The following CNTNAP5 variants were observed in gnomAD, a reference collection of about 807,000 sequenced individuals.
CNTNAP5 encodes the protein contactin-associated protein-like 5.
In CNTNAP5, 72 loss-of-function variants were observed where a neutral mutation model predicts 150.2. The observed-to-expected ratio is 0.48, with a 90% CI of 0.40 to 0.58. The LOEUF is 0.58. Ranked by LOEUF, CNTNAP5 falls within the 20% of genes least tolerant of loss-of-function variation. The pLI, the probability that CNTNAP5 is intolerant of heterozygous loss-of-function variation, is 0.00. For missense variants in CNTNAP5, 1,636 were observed against 1,626.2 expected, an observed-to-expected ratio of 1.01 and a Z score of -0.10; for synonymous variants, 672 against 619.8, an observed-to-expected ratio of 1.08 and a Z score of -1.25.
At chr2:124,175,637 C>G (rs1259784234) in intron 1 of CNTNAP5, among the ~76,000 whole-genome samples, 1 of 152,092 alleles carries the variant, frequency 6.6e-6, no homozygotes, top group Non-Finnish European at 1.5e-5. Context: ...TTTATGGACA[C>G]CACACCCAAT....
At chr2:124,458,605 C>G (rs1309979363) in intron 6 of CNTNAP5, among the ~76,000 whole-genome samples, 1 of 151,918 alleles carries the variant, frequency 6.6e-6, no homozygotes, top group Non-Finnish European at 1.5e-5. Flanking sequence ...CAAAATCTCA[C>G]AAATCACCAC....
At chr2:124,811,848 A>G (rs1183792090) in intron 19 of CNTNAP5, among the ~76,000 whole-genome samples, 1 of 147,868 alleles carries the variant, frequency 6.8e-6, no homozygotes, top group Non-Finnish European at 1.5e-5. Flanking sequence ...AGGCTGAGGC[A>G]GGAGAATCGC....
chr2:124,322,589 T>C (rs1230026476), intron 3 of CNTNAP5, among the ~76,000 whole-genome samples: 3 of 152,212 alleles, frequency 2.0e-5, no homozygotes, highest in Non-Finnish European at 4.4e-5. Flanking sequence ...ATCATGATAA[T>C]AAATCAGGGT....
chr2:124,527,196 T>A, intron 9 of CNTNAP5, 89 bp from the exon 10 acceptor site: 2 of 1,098,474 alleles, frequency 1.8e-6, no homozygotes, highest in Non-Finnish European at 2.6e-6. Context: ...ACCAAACTAA[T>A]TAGACCTCAA....
At chr2:124,560,180 C>T (rs1254856147) in intron 10 of CNTNAP5, among the ~76,000 whole-genome samples, 8 of 152,050 alleles carry the variant, frequency 5.3e-5, no homozygotes, top group South Asian at 2.1e-4. Context: ...CCCAACATGC[C>T]GAAGTAGATT....
chr2:124,899,230 T>C (rs1192726251), intron 21 of CNTNAP5, among the ~76,000 whole-genome samples: 1 of 151,544 alleles, frequency 6.6e-6, no homozygotes, highest in Admixed American at 6.6e-5. Context: ...ATTTATATTA[T>C]TGTATTTATT....
intron 3 of CNTNAP5, among the ~76,000 whole-genome samples, chr2:124,391,609 A>G (rs1573962635): frequency 6.6e-6 from 1 of 152,354 alleles, no homozygotes; most frequent in Admixed American, 6.5e-5. Flanking sequence ...AAAAAACAAA[A>G]AGGACCAGTG....
At chr2:124,261,839 G>A (rs1687466122) in intron 3 of CNTNAP5, among the ~76,000 whole-genome samples, 1 of 152,166 alleles carries the variant, frequency 6.6e-6, no homozygotes, top group Non-Finnish European at 1.5e-5. Context: ...CTGGTTCAAC[G>A]CTAGCAGGAT....
chr2:124,646,711 T>C (rs1306825794), intron 12 of CNTNAP5, among the ~76,000 whole-genome samples: 2 of 152,198 alleles, frequency 1.3e-5, no homozygotes, highest in Admixed American at 1.3e-4. Context: ...AACTTTGTAT[T>C]TGTGGTTGCT....
At chr2:124,912,701 A>C (rs943834734) in intron 23 of CNTNAP5, among the ~76,000 whole-genome samples, 9 of 152,116 alleles carry the variant, frequency 5.9e-5, no homozygotes, top group Non-Finnish European at 1.2e-4. Context: ...TGGAAAAAGA[A>C]AGACTTTTGT....
chr2:124,763,842 A>C, intron 15 of CNTNAP5, 43 bp downstream of exon 15: 3 of 1,611,438 alleles, frequency 1.9e-6, no homozygotes, highest in Non-Finnish European at 2.5e-6. Flanking sequence ...GCATTACATG[A>C]GCACAAGATG....
At chr2:124,589,318 A>G (rs1167542702) in intron 11 of CNTNAP5, among the ~76,000 whole-genome samples, 1 of 152,094 alleles carries the variant, frequency 6.6e-6, no homozygotes, top group Non-Finnish European at 1.5e-5. Flanking sequence ...GGCTTCTTTC[A>G]TTTAGCACGT....
At chr2:124,196,472 T>A (rs999799870) in intron 1 of CNTNAP5, among the ~76,000 whole-genome samples, 1 of 152,238 alleles carries the variant, frequency 6.6e-6, no homozygotes, top group Non-Finnish European at 1.5e-5. Context: ...TGGTATAGTT[T>A]GTACGATTAG....
chr2:124,084,865 C>T (rs928796964), intron 1 of CNTNAP5, among the ~76,000 whole-genome samples: 2 of 148,372 alleles, frequency 1.3e-5, no homozygotes, highest in Non-Finnish European at 3.0e-5. Flanking sequence ...TCCAGTGAAA[C>T]TATCTGTGTC....
intron 11 of CNTNAP5, among the ~76,000 whole-genome samples, chr2:124,568,941 G>C (rs1044786800): frequency 6.6e-6 from 1 of 152,132 alleles, no homozygotes; most frequent in African/African-American, 2.4e-5. Flanking sequence ...CCAGCTAATC[G>C]GGAGGCTGAG....
chr2:124,107,293 A>T (rs1455334384), intron 1 of CNTNAP5, among the ~76,000 whole-genome samples: 1 of 152,214 alleles, frequency 6.6e-6, no homozygotes, highest in South Asian at 2.1e-4. Context: ...GTCCCTGACC[A>T]TGAAGACCTT....
chr2:124,599,281 C>A, intron 11 of CNTNAP5, among the ~76,000 whole-genome samples: 1 of 152,088 alleles, frequency 6.6e-6, no homozygotes, highest in South Asian at 2.1e-4. Flanking sequence ...CTCAATACCA[C>A]ATGTAATTTT....
chr2:124,338,185 A>T (rs1462529012), intron 3 of CNTNAP5, among the ~76,000 whole-genome samples: 8 of 152,052 alleles, frequency 5.3e-5, no homozygotes, highest in Non-Finnish European at 7.4e-5. Context: ...GTTGGTGTAT[A>T]AGAATGCTTG....
intron 1 of CNTNAP5, among the ~76,000 whole-genome samples, chr2:124,190,599 C>T (rs1326081448): frequency 1.3e-5 from 2 of 152,128 alleles, no homozygotes; most frequent in Non-Finnish European, 2.9e-5. Flanking sequence ...AATTAAACTA[C>T]TATGATCCTA....
Sources: gnomAD v4.1 joint callset for allele counts (sites outside exome capture counted in the v4.1 genomes callset) on GRCh38, gnomAD v4.1.1 for gene constraint, MANE v1.5 for transcripts, NCBI Gene and HGNC (gene_info 2026-07-23, HGNC 2026-07-21) for gene names.